Variants in DOCK7 observed in about 807,000 individuals in gnomAD.
The protein encoded by DOCK7 is dedicator of cytokinesis protein 7.
A neutral mutation model predicts 271.0 loss-of-function variants in DOCK7; 138 were observed. That is an observed-to-expected ratio of 0.51 (90% CI 0.44 to 0.59). The LOEUF (loss-of-function observed/expected upper bound fraction) is 0.59, where lower values mean the gene tolerates loss of function less well. DOCK7 is among the 20% of genes least tolerant of loss of function. The probability of loss-of-function intolerance (pLI) is 0.00; values close to 1 mark genes in which losing one functional copy is unlikely to be tolerated. For synonymous variants in DOCK7, 823 were observed against 876.1 expected (o/e 0.94, Z 1.07); for missense variants, 2,066 against 2,592.4 (o/e 0.80, Z 4.41).
chr1:62,553,678 ACACT>A (rs1646033011), intron 21 of DOCK7, among the ~76,000 whole-genome samples: 1 of 151,928 alleles, frequency 6.6e-6, no homozygotes, highest in Non-Finnish European at 1.5e-5. Context: ...GAAAATAAAA[ACACT>A]CAAGAACTAA....
intron 7 of DOCK7, chr1:62,641,776 A>G: frequency 6.6e-6 from 2 of 302,936 alleles, no homozygotes; most frequent in South Asian, 6.0e-5. Flanking sequence ...ATTTGCTTAC[A>G]AACAATTATA....
intron 7 of DOCK7, among the ~76,000 whole-genome samples, chr1:62,637,016 C>A (rs2149643491): frequency 6.6e-6 from 1 of 152,238 alleles, no homozygotes; most frequent in Non-Finnish European, 1.5e-5. Context: ...TTAGAAAACA[C>A]ATGAATATTC....
intron 7 of DOCK7, among the ~76,000 whole-genome samples, chr1:62,637,850 G>A (rs138478311): frequency 5.0e-4 from 76 of 152,226 alleles, no homozygotes; most frequent in Non-Finnish European, 9.7e-4. Flanking sequence ...GTCCTTCACA[G>A]GAACTGGCCT....
chr1:62,600,844 C>G (rs1038589701), intron 14 of DOCK7, among the ~76,000 whole-genome samples: 1 of 151,746 alleles, frequency 6.6e-6, no homozygotes, highest in Non-Finnish European at 1.5e-5. Flanking sequence ...TGTTTTCCGA[C>G]CAATGTCTGC....
At chr1:62,645,144 A>G (rs1290888425) in intron 7 of DOCK7, among the ~76,000 whole-genome samples, 1 of 152,192 alleles carries the variant, frequency 6.6e-6, no homozygotes, top group Non-Finnish European at 1.5e-5. Flanking sequence ...AGTCTGGATA[A>G]TTCCTCCAAA....
chr1:62,555,221 G>C (rs1213270013), intron 21 of DOCK7: 2 of 152,182 alleles, frequency 1.3e-5, no homozygotes, highest in Admixed American at 6.5e-5. Context: ...TGACCACGAA[G>C]AGATCAGAAC....
In DOCK7 at chr1:62,524,931, C is replaced by CTATATATATATATATATATATATA. The variant is rs147371901; in HGVS notation, c.3936+3196_3936+3219dup. 1.9e-3 allele frequency among the ~76,000 whole-genome samples: 193 copies of CTATATATATATATATATATATATA among 103,524 alleles called. 5 individuals carry two copies. Among genetic ancestry groups the CTATATATATATATATATATATATA allele is most frequent in the African/African-American group, 3.9e-3 (88 of 22,590 alleles). 67.9% of individuals were successfully genotyped at this position (103,524 alleles called of 152,430 possible). A position where few individuals can be genotyped will look rare whatever the true frequency, so the allele number is the denominator to read the frequency against. Reference sequence around the variant, plus strand: ...AACAAAACAAAACCAACCAACCAAACTATATATATATATATATATATATAT... The same window carrying CTATATATATATATATATATATATA: ...AACAAAACAAAACCAACCAACCAAACTATATATATATATATATATATATATATATATATATATATATATATATAT... On this transcript the variant is annotated intron_variant, in intron 31 of 49. Transcript: ENST00000635253.
chr1:62,646,527 A>T (rs918858128), intron 7 of DOCK7, among the ~76,000 whole-genome samples: 2 of 152,164 alleles, frequency 1.3e-5, no homozygotes, highest in Non-Finnish European at 2.9e-5. Context: ...TGGTATCCTT[A>T]TAAGAAGAGG....
chr1:62,488,807 C>T (rs773189546), intron 42 of DOCK7, 127 bp downstream of exon 42: 8 of 1,202,332 alleles, frequency 6.7e-6, no homozygotes, highest in Non-Finnish European at 9.7e-6. Flanking sequence ...ATCATTTTGA[C>T]CGCTCATTTG....
intron 48 of DOCK7, among the ~76,000 whole-genome samples, chr1:62,468,181 T>C (rs1012004170): frequency 6.6e-5 from 10 of 151,716 alleles, no homozygotes; most frequent in Middle Eastern, 3.2e-3. Flanking sequence ...GCCAGCATGG[T>C]GAAACCCTGT....
chr1:62,649,756 C>T (rs1223972918), intron 4 of DOCK7, among the ~76,000 whole-genome samples: 1 of 152,160 alleles, frequency 6.6e-6, no homozygotes, highest in Non-Finnish European at 1.5e-5. Flanking sequence ...CATTCTCACT[C>T]TCATTTACGG....
At chr1:62,585,060 A>T (rs754463709) in intron 15 of DOCK7, among the ~76,000 whole-genome samples, 5 of 152,180 alleles carry the variant, frequency 3.3e-5, no homozygotes, top group African/African-American at 4.8e-5. Flanking sequence ...ATCATAGTAC[A>T]TTCATTCCTT....
chr1:62,537,021 C>T (rs917526562), intron 28 of DOCK7, among the ~76,000 whole-genome samples: 8 of 152,160 alleles, frequency 5.3e-5, no homozygotes, highest in African/African-American at 1.9e-4. Context: ...ATCTGGTTTC[C>T]TTTGGGGTTT....
intron 2 of DOCK7, among the ~76,000 whole-genome samples, chr1:62,656,160 C>T (rs1024342714): frequency 1.3e-5 from 2 of 152,210 alleles, no homozygotes; most frequent in African/African-American, 2.4e-5. Flanking sequence ...GAACCCCAAT[C>T]TTTGTATCAC....
rs1358005790 is a variant in DOCK7 at position 62,555,842 on chromosome 1, G to A, written c.2579C>T (p.Pro860Leu). The change falls in exon 21 of 50, where the codon CCT (proline) becomes CTT (leucine). Residue 860 changes from proline to leucine, a missense_variant. Pro to Leu is a moderately conservative substitution (Grantham distance 98). Transcript: ENST00000635253. ...HYVFRLPNTY[P>L]NSSSPGPGGL... ...TAAAATACCTGGTGATGATGAATTA[G>A]GGTAAGTATTTGGTAGGCGGAAAAC... 4 of 1,611,716 alleles carry A rather than the reference G, an allele frequency of 2.5e-6. No individual in the cohort carries two copies. The South Asian group carries it at 3.3e-5, about 13-fold the overall frequency.
At chr1:62,455,647 T>C (rs932382746) in intron 49 of DOCK7, among the ~76,000 whole-genome samples, 191 bp from the exon 50 acceptor site, 2 of 152,216 alleles carry the variant, frequency 1.3e-5, no homozygotes, top group African/African-American at 4.8e-5. Context: ...TATAGAAGTG[T>C]ATTACAGTCA....
At chr1:62,524,180 A>G (rs1465434418) in intron 31 of DOCK7, among the ~76,000 whole-genome samples, 1 of 152,222 alleles carries the variant, frequency 6.6e-6, no homozygotes, top group Non-Finnish European at 1.5e-5. Context: ...TCAACTATAA[A>G]TGACCAGATT....
rs779553947 is a variant in DOCK7 at position 62,601,827 on chromosome 1, T to C, written c.1683-15203A>G. ...GAGGTGAACATACAAGTGGCATGTA[T>C]GCCATCAGACCCAGCAACTCTCAAG... On this transcript the variant is annotated intron_variant, in intron 14 of 49. Coordinates refer to ENST00000635253, the MANE Select transcript of DOCK7 (RefSeq NM_001367561.1). The C allele has an allele frequency of 1.9e-6, 3 of 1,610,488 alleles. No individual in the cohort carries two copies. Among genetic ancestry groups the C allele is most frequent in the Non-Finnish European group, 2.5e-6 (3 of 1,177,460 alleles).
At chr1:62,583,396 G>A (rs1423984783) in intron 15 of DOCK7, 142 bp from the exon 16 acceptor site, 8 of 619,498 alleles carry the variant, frequency 1.3e-5, no homozygotes, top group African/African-American at 3.6e-5. Flanking sequence ...GCCTACTGAC[G>A]TTCATCAAAA....
Sources: gnomAD v4.1 joint callset for allele counts (sites outside exome capture counted in the v4.1 genomes callset) on GRCh38, gnomAD v4.1.1 for gene constraint, MANE v1.5 for transcripts, NCBI Gene and HGNC (gene_info 2026-07-23, HGNC 2026-07-21) for gene names.